The following COL6A6 variants were observed in gnomAD, a reference collection of about 807,000 sequenced individuals.
COL6A6 encodes collagen type VI alpha 6 chain.
Under a neutral mutation model 208.6 loss-of-function variants are expected in COL6A6, and 183 were observed. That is an observed-to-expected ratio of 0.88 (90% CI 0.78 to 0.99). The LOEUF is 0.99. Among genes scored for constraint, COL6A6 ranks in the 50% least tolerant of loss-of-function variants. The probability of loss-of-function intolerance (pLI) is 0.00; values close to 1 mark genes in which losing one functional copy is unlikely to be tolerated. For missense variants in COL6A6, 2,816 were observed against 2,815.2 expected (o/e 1.00, Z -0.01); for synonymous variants, 973 against 1,011.8 (o/e 0.96, Z 0.73).
chr3:130,613,507 G>A (rs2108228727), intron 23 of COL6A6, among the ~76,000 whole-genome samples: 1 of 152,216 alleles, frequency 6.6e-6, no homozygotes, highest in South Asian at 2.1e-4. Flanking sequence ...TTCTTCTTTG[G>A]TTCTGTATAA....
chr3:130,565,546 A>G lies in COL6A6; in HGVS notation c.1214A>G (p.Lys405Arg). 1 of 1,613,878 alleles carries G rather than the reference A, an allele frequency of 6.2e-7. No individual in the cohort carries two copies. The highest frequency in any genetic ancestry group is 2.2e-5 in the East Asian group (1 of 44,884). Residue 405 changes from lysine to arginine, a missense_variant, in exon 4 of 37, where the codon AAG (lysine) becomes AGG (arginine). Transcript: ENST00000358511. ...GCTGCTCACAACCAGACATTTCTGA[A>G]GAAGCTGCGGAACCAAATAACACAC... Reference protein sequence around the residue: ...DLAAHNQTFLKKLRNQITHTV... With the variant: ...DLAAHNQTFLRKLRNQITHTV...
chr3:130,650,361 G>C (rs1168963849), intron 33 of COL6A6, among the ~76,000 whole-genome samples: 7 of 152,176 alleles, frequency 4.6e-5, no homozygotes, highest in Non-Finnish European at 5.9e-5. Context: ...GGTGGCTCAC[G>C]CCTGTAATCC....
At chr3:130,525,168 C>T (rs932396681) in intron 1 of COL6A6, among the ~76,000 whole-genome samples, 1 of 150,326 alleles carries the variant, frequency 6.7e-6, no homozygotes, top group Non-Finnish European at 1.5e-5. Flanking sequence ...GGTTAAAACT[C>T]AGACCTTGAT....
chr3:130,669,794 C>T (rs564051803), intron 36 of COL6A6, among the ~76,000 whole-genome samples: 6 of 152,000 alleles, frequency 3.9e-5, no homozygotes, highest in East Asian at 1.9e-4. Flanking sequence ...ATCTTTAGCA[C>T]GTATGAATAT....
At chr3:130,610,739 T>G in intron 23 of COL6A6, 28 bp downstream of exon 23, 1 of 1,510,868 alleles carries the variant, frequency 6.6e-7, no homozygotes. Flanking sequence ...TGATTGCATC[T>G]GACTTTGATC....
intron 26 of COL6A6, among the ~76,000 whole-genome samples, chr3:130,627,797 T>C (rs2064936765): frequency 1.3e-5 from 2 of 152,226 alleles, no homozygotes; most frequent in South Asian, 4.1e-4. Context: ...AAAATAAAAC[T>C]GTATATCAGA....
chr3:130,548,982 T>C (rs1434974298), intron 1 of COL6A6, among the ~76,000 whole-genome samples: 1 of 152,242 alleles, frequency 6.6e-6, no homozygotes, highest in African/African-American at 2.4e-5. Flanking sequence ...GATGGCACGA[T>C]GACCTCCAAG....
chr3:130,618,950 A>G (rs1426195970), intron 23 of COL6A6, among the ~76,000 whole-genome samples: 1 of 152,206 alleles, frequency 6.6e-6, no homozygotes, highest in Non-Finnish European at 1.5e-5. Context: ...CAGATCTTCC[A>G]ATTTATACAT....
chr3:130,635,630 A>T (rs1559771154), intron 27 of COL6A6, 69 bp from the exon 28 acceptor site: 2 of 1,041,476 alleles, frequency 1.9e-6, no homozygotes, highest in East Asian at 5.2e-5. Context: ...ATCAGTTTAA[A>T]GATGCAAATA....
intron 1 of COL6A6, among the ~76,000 whole-genome samples, chr3:130,540,822 G>A (rs912876974): frequency 3.3e-5 from 5 of 152,230 alleles, no homozygotes; most frequent in African/African-American, 9.6e-5. Flanking sequence ...CCATTTCCCT[G>A]TAAAGGATAT....
At chr3:130,642,279 G>C (rs2065336668) in intron 29 of COL6A6, among the ~76,000 whole-genome samples, 1 of 137,610 alleles carries the variant, frequency 7.3e-6, no homozygotes, top group South Asian at 2.6e-4. Flanking sequence ...GTGTGTGTGT[G>C]TGTGTGTATT....
chr3:130,573,060 G>A (rs2063202968), intron 7 of COL6A6, among the ~76,000 whole-genome samples: 1 of 152,130 alleles, frequency 6.6e-6, no homozygotes, highest in Admixed American at 6.5e-5. Flanking sequence ...TTCTCAAATA[G>A]ATATTTTTGC....
At chr3:130,591,490 T>C (rs2063715319) in intron 13 of COL6A6, among the ~76,000 whole-genome samples, 1 of 152,182 alleles carries the variant, frequency 6.6e-6, no homozygotes, top group South Asian at 2.1e-4. Context: ...AACATTTGTT[T>C]ACCAATTATA....
In COL6A6 at chr3:130,635,700, G is replaced by T; in HGVS notation, c.5030G>T (p.Gly1677Val). 2 of 1,603,212 alleles carry T rather than the reference G, an allele frequency of 1.2e-6. No homozygotes were observed. Among genetic ancestry groups the T allele is most frequent in the Admixed American group, 1.7e-5 (1 of 59,888 alleles). Residue 1677 changes from glycine to valine, a missense_variant and splice_region_variant, in exon 28 of 37, where the codon GGT becomes GTT. Gly to Val is a moderately radical substitution (Grantham distance 109). Transcript: ENST00000358511. ...TTTTACTTTAATAAATGTATTTAGG[G>T]TGAGATTGGGGACCCTGGTGGTCCA... is the stretch of plus-strand genomic sequence containing the variant. ...EGFPGESGPKGEIGDPGGPGE... is the reference protein window; with the variant it reads ...EGFPGESGPKVEIGDPGGPGE...
chr3:130,634,238 T>TAAATAAAAAAAAAAAAAAAAAAAAAAA (rs2065037965), intron 26 of COL6A6, among the ~76,000 whole-genome samples: 1 of 16,210 alleles, frequency 6.2e-5, no homozygotes. Context: ...AATAAATAAA[T>TAAATAAAAAAAAAAAAAAAAAAAAAAA]AAATAAAAAA....
chr3:130,525,638 C>T lies in COL6A6; in HGVS notation c.-32+8241C>T, dbSNP rs138151776. ...ATTCTTGTCGATCTCGGGAAAAAGA[C>T]AGAAGTCATGAGTAGGTCCTGCAAA... On this transcript the variant is annotated intron_variant, in intron 1 of 36. Coordinates refer to ENST00000358511, the MANE Select transcript of COL6A6 (RefSeq NM_001102608.3). 1.4e-4 allele frequency among the ~76,000 whole-genome samples: 21 copies of T among 151,954 alleles called. 1 individual carries two copies. Among genetic ancestry groups the T allele is most frequent in the African/African-American group, 4.1e-4 (17 of 41,420 alleles).
chr3:130,564,831 A>G (rs1297781125), intron 3 of COL6A6, among the ~76,000 whole-genome samples, 163 bp from the exon 4 acceptor site: 1 of 152,236 alleles, frequency 6.6e-6, no homozygotes. Flanking sequence ...AAGATGTAGT[A>G]TTTGAACTCA....
At position 130,565,144 on chromosome 3, in the gene COL6A6, T is replaced by C; in HGVS notation, c.812T>C (p.Val271Ala). 6.2e-7 allele frequency: 1 copy of C among 1,614,064 alleles called. No individual in the cohort carries two copies. The highest frequency in any genetic ancestry group is 8.5e-7 in the Non-Finnish European group (1 of 1,179,892). Reference protein sequence around the residue: ...IKENCMRVGLVAYSNETKVIN... With the variant: ...IKENCMRVGLAAYSNETKVIN... ...GAAAATTGCATGAGGGTTGGCCTTG[T>C]GGCCTATAGCAATGAGACAAAAGTG... The change falls in exon 4 of 37, where the codon GTG becomes GCG. Residue 271 changes from valine to alanine, a missense_variant. Val to Ala is a moderately conservative substitution (Grantham distance 64). Coordinates refer to ENST00000358511, the MANE Select transcript of COL6A6 (RefSeq NM_001102608.3).
At chr3:130,543,104 C>T (rs1490733198) in intron 1 of COL6A6, among the ~76,000 whole-genome samples, 1 of 152,002 alleles carries the variant, frequency 6.6e-6, no homozygotes, top group African/African-American at 2.4e-5. Flanking sequence ...CAGGGTTTCA[C>T]CATGTTGGCC....
Sources: allele counts gnomAD v4.1 joint callset (sites outside exome capture counted in the v4.1 genomes callset), GRCh38; gene constraint gnomAD v4.1.1; transcripts MANE v1.5; gene names NCBI Gene and HGNC (gene_info 2026-07-23, HGNC 2026-07-21).